The following EMP1 variants were observed in gnomAD, a reference collection of about 807,000 sequenced individuals.
EMP1 encodes the protein tumor-associated membrane protein.
EMP1 carries 5 observed loss-of-function variants against 15.7 expected under a neutral mutation model. The observed-to-expected ratio is 0.32, with a 90% CI of 0.17 to 0.67. The LOEUF is 0.67. EMP1 is among the 30% of genes least tolerant of loss of function. The pLI, the probability that EMP1 is intolerant of heterozygous loss-of-function variation, is 0.74. For synonymous variants in EMP1, 78 were observed against 76.7 expected, an observed-to-expected ratio of 1.02 and a Z score of -0.09; for missense variants, 166 against 194.2, an observed-to-expected ratio of 0.85 and a Z score of 0.86.
rs536585514 is a variant in EMP1 at position 13,197,125 on chromosome 12, G to A, written c.-43+253G>A. On this transcript the variant is annotated intron_variant, in intron 1 of 4. Transcript: ENST00000256951. Reference sequence around the variant, plus strand: ...AAATCAATGGGATGGGGCTAAAATCGTGCCTGGCAGTGACCGGGTTCTTGT... The same window carrying A: ...AAATCAATGGGATGGGGCTAAAATCATGCCTGGCAGTGACCGGGTTCTTGT... 2.0e-4 allele frequency among the ~76,000 whole-genome samples: 30 copies of A among 152,300 alleles called. No homozygotes were observed. In the East Asian group the frequency reaches 2.3e-3, roughly 12 times the overall value.
At position 13,214,572 on chromosome 12, in the gene EMP1, C is replaced by G. The variant is rs143365519; in HGVS notation, c.355C>G (p.His119Asp). Reference protein sequence around the residue: ...ILVGVSIYTSHYANRDGTQYH... With the variant: ...ILVGVSIYTSDYANRDGTQYH... ...TGTGGGGGTGTCCATCTACACTAGT[C>G]ATTATGCGAATCGTGATGGAACGCA... Residue 119 changes from histidine (H) to aspartate (D), a missense_variant, in exon 5 of 5, where the codon CAT (histidine) becomes GAT (aspartate). Physicochemically the swap from His to Asp is moderately conservative, Grantham distance 81 (BLOSUM62 -1). Coordinates refer to ENST00000256951, the MANE Select transcript of EMP1 (RefSeq NM_001423.3). The G allele has an allele frequency of 6.6e-5, 107 of 1,614,088 alleles. 1 individual carries two copies. The African/African-American group carries it at 1.2e-3, about 18-fold the overall frequency.
At chr12:13,201,832 G>A (rs1004325736) in intron 1 of EMP1, among the ~76,000 whole-genome samples, 1 of 152,228 alleles carries the variant, frequency 6.6e-6, no homozygotes, top group Non-Finnish European at 1.5e-5. Context: ...ACCAGGAACA[G>A]AATCAGGCTC....
At position 13,215,758 on chromosome 12, in the gene EMP1, G is replaced by C. The variant is rs1261866921; in HGVS notation, c.*1067G>C. 6.5e-6 allele frequency: 1 copy of C among 153,136 alleles called. No homozygotes were observed. The highest frequency in any genetic ancestry group is 1.5e-5 in the Non-Finnish European group (1 of 68,514). 9.5% of individuals were successfully genotyped at this position (153,136 alleles called of 1,614,324 possible). On this transcript the variant is annotated 3_prime_UTR_variant, in exon 5 of 5. Coordinates refer to ENST00000256951, the MANE Select transcript of EMP1 (RefSeq NM_001423.3). ...CCACCTGGAGTGATCACCTCTTGGG[G>C]ACCCTGCCTATCCCACTTCACAGGT... is the stretch of plus-strand genomic sequence containing the variant.
intron 1 of EMP1, among the ~76,000 whole-genome samples, chr12:13,203,777 C>G (rs527810138): frequency 6.6e-6 from 1 of 152,380 alleles, no homozygotes; most frequent in South Asian, 2.1e-4. Context: ...ACTTTGAACT[C>G]TGTGCCTGTA....
At chr12:13,207,785 T>TC (rs1864125091) in intron 1 of EMP1, among the ~76,000 whole-genome samples, 1 of 152,192 alleles carries the variant, frequency 6.6e-6, no homozygotes, top group South Asian at 2.1e-4. Flanking sequence ...AGAAATGTGT[T>TC]CCTGGCATCC....
At chr12:13,212,915 A>C (rs922099677) in intron 2 of EMP1, among the ~76,000 whole-genome samples, 7 of 152,362 alleles carry the variant, frequency 4.6e-5, no homozygotes, top group Admixed American at 2.0e-4. Flanking sequence ...CACTTGCTGT[A>C]GTATTTTACT....
In EMP1 at chr12:13,211,473, C is replaced by T; in HGVS notation, c.-38C>T. The T allele has an allele frequency of 1.9e-6, 3 of 1,605,062 alleles. No individual in the cohort carries two copies. The highest frequency in any genetic ancestry group is 2.6e-6 in the Non-Finnish European group (3 of 1,174,918). On this transcript the variant is annotated 5_prime_UTR_variant, in exon 2 of 5. Coordinates refer to ENST00000256951, the MANE Select transcript of EMP1 (RefSeq NM_001423.3). The surrounding 1 kb of genome is among the most constrained non-coding windows in gnomAD (Gnocchi z 4.7). ...TCCCTTTCTTTTTCTTTTCAGAACT[C>T]TCTTTGCTCACAAGTTACCAAAAAA...
chr12:13,218,827 T>G lies in EMP1; in HGVS notation c.*4136T>G, dbSNP rs1864236150. The G allele has an allele frequency of 6.6e-6, 1 of 152,174 alleles. No homozygotes were observed. Among genetic ancestry groups the G allele is most frequent in the South Asian group, 2.1e-4 (1 of 4,828 alleles). 9.4% of individuals were successfully genotyped at this position (152,174 alleles called of 1,614,324 possible). A position where few individuals can be genotyped will look rare whatever the true frequency, so the allele number is the denominator to read the frequency against. On this transcript the variant is annotated 3_prime_UTR_variant, in exon 5 of 5. Coordinates refer to ENST00000256951, the MANE Select transcript of EMP1 (RefSeq NM_001423.3). ...GACATGTGTCCCATCTTCTTCCAGC[T>G]TTCAGTCTAGCTTGGAAATAAATCT...
intron 1 of EMP1, among the ~76,000 whole-genome samples, chr12:13,206,534 T>C (rs1047404454): frequency 6.6e-6 from 1 of 152,208 alleles, no homozygotes; most frequent in African/African-American, 2.4e-5. Context: ...GACCACTTCC[T>C]TCACTGGGGA....
rs1351239509 is a variant in EMP1, at chr12:13,214,960, G to A, written c.*269G>A. 6 of 401,646 alleles carry A rather than the reference G, an allele frequency of 1.5e-5. No individual in the cohort carries two copies. Among genetic ancestry groups the A allele is most frequent in the Non-Finnish European group, 2.8e-5 (6 of 212,506 alleles). The allele number at this position is 401,646 out of a possible 1,614,324, so 24.9% of individuals were successfully genotyped here. ...CAGCCACCAGACTTGGCCTCCAGCT[G>A]TTCTTAGTGACACACACTGTCTGGG... On this transcript the variant is annotated 3_prime_UTR_variant, in exon 5 of 5. Transcript: ENST00000256951.
At chr12:13,208,859 CTCG>C (rs1864137310) in intron 1 of EMP1, among the ~76,000 whole-genome samples, 4 of 152,180 alleles carry the variant, frequency 2.6e-5, no homozygotes, top group Non-Finnish European at 5.9e-5. Flanking sequence ...GGGCCAGGCA[CTCG>C]CACACACCAC....
intron 1 of EMP1, chr12:13,199,180 C>G (rs1323028089): frequency 6.6e-6 from 1 of 152,422 alleles, no homozygotes; most frequent in Non-Finnish European, 1.5e-5. Context: ...TCTCCCAGGA[C>G]TGCTGGGCAG....
At chr12:13,209,176 G>A (rs1345198099) in intron 1 of EMP1, 3 of 152,370 alleles carry the variant, frequency 2.0e-5, no homozygotes, top group Non-Finnish European at 1.5e-5. Context: ...AGAGCCCGAG[G>A]AGGATTAAAC....
chr12:13,217,795 C>CGT lies in EMP1; in HGVS notation c.*3105_*3106insTG, dbSNP rs1189897367. Reference sequence around the variant, plus strand: ...CCAGAGAAACAGAAAAAATAAGATTCGCGTGTGTGTGCAAACATATATATA... The same window carrying CGT: ...CCAGAGAAACAGAAAAAATAAGATTCGTGCGTGTGTGTGCAAACATATATATA... On this transcript the variant is annotated 3_prime_UTR_variant, in exon 5 of 5. Coordinates refer to ENST00000256951, the MANE Select transcript of EMP1 (RefSeq NM_001423.3). 1.1e-3 allele frequency: 161 copies of CGT among 148,336 alleles called. No homozygotes were observed. Among genetic ancestry groups the CGT allele is most frequent in the African/African-American group, 4.0e-3 (156 of 39,328 alleles). The allele number at this position is 148,336 out of a possible 1,614,324, so 9.2% of individuals were successfully genotyped here. A position where few individuals can be genotyped will look rare whatever the true frequency, so the allele number is the denominator to read the frequency against.
intron 1 of EMP1, among the ~76,000 whole-genome samples, chr12:13,210,921 C>T (rs998512426): frequency 6.6e-5 from 10 of 152,222 alleles, no homozygotes; most frequent in African/African-American, 2.4e-4. Context: ...TTTTATATCT[C>T]GCCCAGGATC....
chr12:13,212,127 A>C (rs978208860), intron 2 of EMP1, among the ~76,000 whole-genome samples: 1 of 152,206 alleles, frequency 6.6e-6, no homozygotes, highest in African/African-American at 2.4e-5. Context: ...GACAAATTCA[A>C]ATTTTGAGCA....
rs1864201290 is a variant in EMP1 at position 13,214,971 on chromosome 12, C to A, written c.*280C>A. The A allele has an allele frequency of 5.2e-6, 2 of 386,168 alleles. No individual in the cohort carries two copies. The highest frequency in any genetic ancestry group is 3.8e-5 in the Admixed American group (1 of 26,650). 23.9% of individuals were successfully genotyped at this position (386,168 alleles called of 1,614,324 possible). A position where few individuals can be genotyped will look rare whatever the true frequency, so the allele number is the denominator to read the frequency against. On this transcript the variant is annotated 3_prime_UTR_variant, in exon 5 of 5. Coordinates refer to ENST00000256951, the MANE Select transcript of EMP1 (RefSeq NM_001423.3). ...CTTGGCCTCCAGCTGTTCTTAGTGA[C>A]ACACACTGTCTGGGGCCCCATCAGC...
rs139526216 is a variant in EMP1, at chr12:13,204,479, A to G, written c.-42-6990A>G. On this transcript the variant is annotated intron_variant, in intron 1 of 4. Transcript: ENST00000256951. ...TGTTACATGCGCATCCATTTTGCCA[A>G]CCAAATGATCCTTCATGGGAAACAA... is the stretch of plus-strand genomic sequence containing the variant. 2.5e-3 allele frequency among the ~76,000 whole-genome samples: 383 copies of G among 152,320 alleles called. 2 individuals carry two copies. The highest frequency in any genetic ancestry group is 8.3e-3 in the African/African-American group (344 of 41,554).
chr12:13,209,835 GT>G (rs1460499513), intron 1 of EMP1, among the ~76,000 whole-genome samples: 1 of 152,184 alleles, frequency 6.6e-6, no homozygotes, highest in Non-Finnish European at 1.5e-5. Context: ...ATTTGAATGT[GT>G]GGGGGGATTA....
Sources: gnomAD v4.1 joint callset for allele counts (sites outside exome capture counted in the v4.1 genomes callset) on GRCh38, gnomAD v4.1.1 for gene constraint, Gnocchi (gnomAD v3.1) non-coding constraint, MANE v1.5 for transcripts, NCBI Gene and HGNC (gene_info 2026-07-23, HGNC 2026-07-21) for gene names.